Variants in RBM15B observed in about 807,000 individuals in gnomAD.
RBM15B encodes the protein RNA binding motif protein 15B, also known as putative RNA-binding protein 15B.
RBM15B carries 11 observed loss-of-function variants against 53.3 expected under a neutral mutation model. The observed-to-expected ratio is 0.21, with a 90% confidence interval of 0.13 to 0.34. The LOEUF (loss-of-function observed/expected upper bound fraction) is 0.34, where lower values mean the gene tolerates loss of function less well. Among genes scored for constraint, RBM15B ranks in the 10% least tolerant of loss-of-function variants. The pLI is 1.00. For missense variants in RBM15B, 1,136 were observed against 1,250.3 expected, an observed-to-expected ratio of 0.91 and a Z score of 1.38; for synonymous variants, 631 against 540.7, an observed-to-expected ratio of 1.17 and a Z score of -2.32.
At position 51,391,560 on chromosome 3, in the gene RBM15B, G is replaced by C; in HGVS notation, c.161G>C (p.Arg54Pro). The C allele has an allele frequency of 8.5e-7, 1 of 1,181,536 alleles. No homozygotes were observed. The highest frequency in any genetic ancestry group is 1.0e-6 in the Non-Finnish European group (1 of 956,124). The allele number at this position is 1,181,536 out of a possible 1,614,324, so 73.2% of individuals were successfully genotyped here. A position where few individuals can be genotyped will look rare whatever the true frequency, so the allele number is the denominator to read the frequency against. Residue 54 changes from arginine (R) to proline (P), a missense_variant, in exon 1 of 1, where the codon CGC (arginine) becomes CCC (proline). Arg to Pro is a moderately radical substitution (Grantham distance 103). This residue lies in a region of RBM15B where 257 missense variants were observed against 261.1 expected (regional missense o/e 0.98). Transcript: ENST00000563281. The surrounding 1 kb of genome is among the most constrained non-coding windows in gnomAD (Gnocchi z 4.5). ...GAKHPVPARA[R>P]DKPRGSGSGG... ...AAGCACCCGGTTCCAGCGCGGGCCC[G>C]CGACAAACCCCGCGGCAGCGGAAGC...
In RBM15B at chr3:51,392,443, A is replaced by G. The variant is rs782034228; in HGVS notation, c.1044A>G (p.Val348=). Residue 348 remains valine (V), a synonymous_variant, in exon 1 of 1, where the codon GTA becomes GTG. Coordinates refer to ENST00000563281, the MANE Select transcript of RBM15B (RefSeq NM_013286.5). The surrounding 1 kb of genome is among the most constrained non-coding windows in gnomAD (Gnocchi z 7.5). The stretch of plus-strand genomic sequence containing the variant: ...TCATTGGTAACCTGGACCACAGCGT[A>G]TCTGAGGTGGAGCTGCGAAGGGCCT... ...NLFIGNLDHS[V]SEVELRRAFE... The G allele has an allele frequency of 1.9e-6, 3 of 1,613,896 alleles. No individual in the cohort carries two copies. The African/African-American group carries it at 4.0e-5, about 22-fold the overall frequency.
At position 51,393,773 on chromosome 3, in the gene RBM15B, G is replaced by T. The variant is rs781982850; in HGVS notation, c.2374G>T (p.Ala792Ser). ...CAAGCAGGGGAGCCCCAACGGCTAT[G>T]CGGTCCTCTTAGCCACCCAGGCAAC... ...RIKQGSPNGY[A>S]VLLATQATPS... The change falls in exon 1 of 1, where the codon GCG (alanine) becomes TCG (serine). Residue 792 changes from alanine to serine, a missense_variant. This residue lies in a region of RBM15B where 578 missense variants were observed against 581.6 expected (regional missense o/e 0.99). Transcript: ENST00000563281. The surrounding 1 kb of genome is among the most constrained non-coding windows in gnomAD (Gnocchi z 5.6). 6.2e-7 allele frequency: 1 copy of T among 1,613,854 alleles called. No individual in the cohort carries two copies. Among genetic ancestry groups the T allele is most frequent in the South Asian group, 1.1e-5 (1 of 91,070 alleles).
Position 51,393,606 on chromosome 3 carries a change from C to T in RBM15B, c.2207C>T (p.Ser736Phe). The change falls in exon 1 of 1, where the codon TCT becomes TTT. Residue 736 changes from serine to phenylalanine, a missense_variant. Around this residue, in one of 7 missense-constraint regions of RBM15B, gnomAD observed 578 missense variants for 581.6 expected, o/e 0.99. Coordinates refer to ENST00000563281, the MANE Select transcript of RBM15B (RefSeq NM_013286.5). This position sits in a 1 kb window ranked among gnomAD's most constrained non-coding sequence, Gnocchi z 5.6. ...LVLKNSCFPT[S>F]MHILEGDQGV... is the part of the protein sequence containing the mutation. ...TTGAAAAACAGCTGCTTCCCCACGT[C>T]TATGCATATCCTAGAGGGGGACCAG... 2 of 1,614,058 alleles carry T rather than the reference C, an allele frequency of 1.2e-6. No homozygotes were observed. Among genetic ancestry groups the T allele is most frequent in the South Asian group, 1.1e-5 (1 of 91,078 alleles).
Position 51,393,483 on chromosome 3 carries a change from C to T in RBM15B, c.2084C>T (p.Pro695Leu). ...AATCACCGGACCACAGAGGCCGAGC[C>T]CAAGCCTCTGGAAGAGCCAAAACAC... ...ERNHRTTEAE[P>L]KPLEEPKHET... is the part of the protein sequence containing the mutation. Residue 695 changes from proline to leucine, a missense_variant, in exon 1 of 1, where the codon CCC becomes CTC. Coordinates refer to ENST00000563281, the MANE Select transcript of RBM15B (RefSeq NM_013286.5). The surrounding 1 kb of genome is among the most constrained non-coding windows in gnomAD (Gnocchi z 5.6). The T allele has an allele frequency of 1.9e-6, 3 of 1,614,028 alleles. No homozygotes were observed. Among genetic ancestry groups the T allele is most frequent in the African/African-American group, 1.3e-5 (1 of 75,048 alleles).
At position 51,396,530 on chromosome 3, in the gene RBM15B, C is replaced by G. The variant is rs1553623020; in HGVS notation, c.*2458C>G. The G allele has an allele frequency of 6.0e-6, 1 of 167,156 alleles. No homozygotes were observed. The highest frequency in any genetic ancestry group is 2.4e-5 in the African/African-American group (1 of 41,448). The allele number at this position is 167,156 out of a possible 1,614,324, so 10.4% of individuals were successfully genotyped here. A position where few individuals can be genotyped will look rare whatever the true frequency, so the allele number is the denominator to read the frequency against. On this transcript the variant is annotated 3_prime_UTR_variant, in exon 1 of 1. Transcript: ENST00000563281. Reference sequence around the variant, plus strand: ...TACTTACTTCAGGCATCCAGTGCCCCCACCCAGGGTTCAGGCCCTGTCTAA... The same window carrying G: ...TACTTACTTCAGGCATCCAGTGCCCGCACCCAGGGTTCAGGCCCTGTCTAA...
Position 51,396,722 on chromosome 3 carries a change from A to C in RBM15B, c.*2650A>C. ...GTTCCTAAGGTGTGTTGTCAAGCCA[A>C]CCTGAATTCTGCCTCCCTGTTATAG... On this transcript the variant is annotated 3_prime_UTR_variant, in exon 1 of 1. Coordinates refer to ENST00000563281, the MANE Select transcript of RBM15B (RefSeq NM_013286.5). 1.2e-5 allele frequency: 2 copies of C among 167,192 alleles called. No homozygotes were observed. 10.4% of individuals were successfully genotyped at this position (167,192 alleles called of 1,614,324 possible).
In RBM15B at chr3:51,395,972, G is replaced by A. The variant is rs1056756354; in HGVS notation, c.*1900G>A. ...AAGTCAGTTGGGTACAGCAGGACAC[G>A]CCACCATTCCAGGGTAGCTGGTACC... On this transcript the variant is annotated 3_prime_UTR_variant, in exon 1 of 1. Coordinates refer to ENST00000563281, the MANE Select transcript of RBM15B (RefSeq NM_013286.5). The A allele has an allele frequency of 2.4e-5, 10 of 413,316 alleles. No individual in the cohort carries two copies. The highest frequency in any genetic ancestry group is 8.8e-5 in the Admixed American group (2 of 22,724). The allele number at this position is 413,316 out of a possible 1,614,324, so 25.6% of individuals were successfully genotyped here.
Position 51,393,544 on chromosome 3 carries a change from T to C in RBM15B, c.2145T>C (p.Ala715=), listed in dbSNP as rs2089077438. The change falls in exon 1 of 1, where the codon GCT becomes GCC. Residue 715 remains alanine, a synonymous_variant. Transcript: ENST00000563281. This position sits in a 1 kb window ranked among gnomAD's most constrained non-coding sequence, Gnocchi z 5.6. ...AGCTGAAGAATCTTTCAGAGTACGCTCAGACACTACAGCTGGGTTGGAATG... is the reference window on the plus strand; with the variant it reads ...AGCTGAAGAATCTTTCAGAGTACGCCCAGACACTACAGCTGGGTTGGAATG... The part of the protein sequence containing the change: ...TKKLKNLSEY[A]QTLQLGWNGL... 1 of 1,613,992 alleles carries C rather than the reference T, an allele frequency of 6.2e-7. No homozygotes were observed. The highest frequency in any genetic ancestry group is 1.3e-5 in the African/African-American group (1 of 74,904).
At position 51,392,324 on chromosome 3, in the gene RBM15B, C is replaced by A; in HGVS notation, c.925C>A (p.Leu309Met). Residue 309 changes from leucine to methionine, a missense_variant, in exon 1 of 1, where the codon CTG becomes ATG. This residue lies in a region of RBM15B where 204 missense variants were observed against 196.8 expected (regional missense o/e 1.04). Transcript: ENST00000563281. This position sits in a 1 kb window ranked among gnomAD's most constrained non-coding sequence, Gnocchi z 7.5. ...SRERALDYYG[L>M]YDDRGRPYGY... ...GGAGCGGGCCCTGGACTACTACGGG[C>A]TGTACGACGACCGTGGGCGCCCCTA... The A allele has an allele frequency of 1.2e-6, 2 of 1,612,824 alleles. No individual in the cohort carries two copies. Among genetic ancestry groups the A allele is most frequent in the South Asian group, 2.2e-5 (2 of 91,012 alleles).
rs782535129 is a variant in RBM15B at position 51,391,888 on chromosome 3, C to T, written c.489C>T (p.Phe163=). 7 of 1,604,150 alleles carry T rather than the reference C, an allele frequency of 4.4e-6. No individual in the cohort carries two copies. The highest frequency in any genetic ancestry group is 5.9e-6 in the Non-Finnish European group (7 of 1,179,450). The change falls in exon 1 of 1, where the codon TTC becomes TTT. Residue 163 remains phenylalanine, a synonymous_variant. Coordinates refer to ENST00000563281, the MANE Select transcript of RBM15B (RefSeq NM_013286.5). This position sits in a 1 kb window ranked among gnomAD's most constrained non-coding sequence, Gnocchi z 4.5. ...TCGAGGACCGGCTCTTCCACCAGTT[C>T]AAGCGCTTCGGCGAGATCAGCCTCC... is the stretch of plus-strand genomic sequence containing the variant. ...EHLEDRLFHQ[F]KRFGEISLRL...
rs1577018648 is a variant in RBM15B, at chr3:51,391,431, C to T, written c.32C>T (p.Pro11Leu). Residue 11 changes from proline to leucine, a missense_variant, in exon 1 of 1, where the codon CCG becomes CTG. Around this residue, in one of 7 missense-constraint regions of RBM15B, gnomAD observed 257 missense variants for 261.1 expected, o/e 0.98. Coordinates refer to ENST00000563281, the MANE Select transcript of RBM15B (RefSeq NM_013286.5). This position sits in a 1 kb window ranked among gnomAD's most constrained non-coding sequence, Gnocchi z 4.5. MKRQSERDSS[P>L]SGRGSSSSAK... ...CGGCAGAGCGAGCGAGACTCTAGCC[C>T]GAGCGGGCGCGGCTCGTCATCGTCC... is the stretch of plus-strand genomic sequence containing the variant. 3 of 1,271,846 alleles carry T rather than the reference C, an allele frequency of 2.4e-6. No homozygotes were observed. The highest frequency in any genetic ancestry group is 2.3e-5 in the South Asian group (1 of 43,402). The allele number at this position is 1,271,846 out of a possible 1,614,324, so 78.8% of individuals were successfully genotyped here. A position where few individuals can be genotyped will look rare whatever the true frequency, so the allele number is the denominator to read the frequency against.
Position 51,391,987 on chromosome 3 carries a change from C to A in RBM15B, c.588C>A (p.Ala196=). The A allele has an allele frequency of 6.3e-7, 1 of 1,599,282 alleles. No individual in the cohort carries two copies. Among genetic ancestry groups the A allele is most frequent in the Non-Finnish European group, 8.5e-7 (1 of 1,178,070 alleles). Residue 196 remains alanine, a synonymous_variant, in exon 1 of 1, where the codon GCC becomes GCA. Coordinates refer to ENST00000563281, the MANE Select transcript of RBM15B (RefSeq NM_013286.5). The surrounding 1 kb of genome is among the most constrained non-coding windows in gnomAD (Gnocchi z 4.5). ...GGCACCCACAGGACGCACGCGAGGCCCGCCAGCACGCCCTGGCCCGGCAGC... is the reference window on the plus strand; with the variant it reads ...GGCACCCACAGGACGCACGCGAGGCACGCCAGCACGCCCTGGCCCGGCAGC... ...NFRHPQDARE[A]RQHALARQLL... is the part of the protein sequence containing the mutation.
Position 51,392,940 on chromosome 3 carries a change from CAGAT to C in RBM15B, c.1542_1545del (p.Gly516ThrfsTer192). On this transcript the variant is annotated frameshift_variant, in exon 1 of 1. Coordinates refer to ENST00000563281, the MANE Select transcript of RBM15B (RefSeq NM_013286.5). LOFTEE classifies it high-confidence loss of function. The surrounding 1 kb of genome is among the most constrained non-coding windows in gnomAD (Gnocchi z 7.5). ...CTCCCTGTGCATTATGAGCTGCTCACAGATGGATACACCCGGCACCGCAACCTGG... is the reference window on the plus strand; with the variant it reads ...CTCCCTGTGCATTATGAGCTGCTCACGGATACACCCGGCACCGCAACCTGG... 6.2e-7 allele frequency: 1 copy of C among 1,613,828 alleles called. No homozygotes were observed. The highest frequency in any genetic ancestry group is 8.5e-7 in the Non-Finnish European group (1 of 1,180,042).
rs1553621674 is a variant in RBM15B, at chr3:51,392,146, G to T, written c.747G>T (p.Pro249=). ...CAGGGCCGCCCGCGCCCGCCGACCC[G>T]CTCGGCTACCTCCCGCTACACGGAG... The part of the protein sequence containing the change: ...PPPGPPAPAD[P]LGYLPLHGGY... Residue 249 remains proline (P), a synonymous_variant, in exon 1 of 1, where the codon CCG becomes CCT. Coordinates refer to ENST00000563281, the MANE Select transcript of RBM15B (RefSeq NM_013286.5). The surrounding 1 kb of genome is among the most constrained non-coding windows in gnomAD (Gnocchi z 7.5). The T allele has an allele frequency of 2.6e-6, 4 of 1,535,578 alleles. No homozygotes were observed. Among genetic ancestry groups the T allele is most frequent in the Non-Finnish European group, 8.7e-7 (1 of 1,146,298 alleles).
Position 51,391,696 on chromosome 3 carries a change from C to A in RBM15B, c.297C>A (p.Ala99=). The change falls in exon 1 of 1, where the codon GCC becomes GCA. Residue 99 remains alanine (A), a synonymous_variant. Transcript: ENST00000563281. The surrounding 1 kb of genome is among the most constrained non-coding windows in gnomAD (Gnocchi z 4.5). ...GAGGGGRGGK[A]SGDPGASGMS... is the part of the protein sequence containing the mutation. ...GCGGCGGGGGACGCGGCGGCAAGGC[C>A]TCGGGGGACCCGGGCGCCTCCGGCA... The A allele has an allele frequency of 1.5e-6, 2 of 1,344,622 alleles. No individual in the cohort carries two copies. Among genetic ancestry groups the A allele is most frequent in the Non-Finnish European group, 1.9e-6 (2 of 1,054,246 alleles). 83.3% of individuals were successfully genotyped at this position (1,344,622 alleles called of 1,614,324 possible). A position where few individuals can be genotyped will look rare whatever the true frequency, so the allele number is the denominator to read the frequency against.
In RBM15B at chr3:51,393,911, A is replaced by G. The variant is rs782182024; in HGVS notation, c.2512A>G (p.Ser838Gly). 5.8e-6 allele frequency: 9 copies of G among 1,545,892 alleles called. No individual in the cohort carries two copies. Among genetic ancestry groups the G allele is most frequent in the Non-Finnish European group, 6.1e-6 (7 of 1,147,216 alleles). ...LKQKQAAGVI[S>G]LPVGGSKGRD... ...ACAGAAGCAGGCCGCAGGGGTGATCAGCTTGCCAGTGGGGGGGTCCAAGGG... is the reference window on the plus strand; with the variant it reads ...ACAGAAGCAGGCCGCAGGGGTGATCGGCTTGCCAGTGGGGGGGTCCAAGGG... The change falls in exon 1 of 1, where the codon AGC (serine) becomes GGC (glycine). Residue 838 changes from serine to glycine, a missense_variant. Around this residue, in one of 7 missense-constraint regions of RBM15B, gnomAD observed 578 missense variants for 581.6 expected, o/e 0.99. Coordinates refer to ENST00000563281, the MANE Select transcript of RBM15B (RefSeq NM_013286.5). This position sits in a 1 kb window ranked among gnomAD's most constrained non-coding sequence, Gnocchi z 5.6.
Position 51,396,159 on chromosome 3 carries a change from CTCAG to C in RBM15B, c.*2088_*2091del, listed in dbSNP as rs2089190139. ...CCTATCTTCCTTCATGAAGCAGGTG[CTCAG>C]GACCCGGAAGAATCATCTACCTCCC... On this transcript the variant is annotated 3_prime_UTR_variant, in exon 1 of 1. Transcript: ENST00000563281. The C allele has an allele frequency of 2.6e-6, 1 of 390,880 alleles. No individual in the cohort carries two copies. The highest frequency in any genetic ancestry group is 4.7e-6 in the Non-Finnish European group (1 of 212,380). The allele number at this position is 390,880 out of a possible 1,614,324, so 24.2% of individuals were successfully genotyped here. A position where few individuals can be genotyped will look rare whatever the true frequency, so the allele number is the denominator to read the frequency against.
rs926978841 is a variant in RBM15B at position 51,391,339 on chromosome 3, G to A, written c.-61G>A. The A allele has an allele frequency of 2.0e-5, 24 of 1,173,100 alleles. No homozygotes were observed. Among genetic ancestry groups the A allele is most frequent in the Non-Finnish European group, 2.4e-5 (23 of 950,446 alleles). The allele number at this position is 1,173,100 out of a possible 1,614,324, so 72.7% of individuals were successfully genotyped here. On this transcript the variant is annotated 5_prime_UTR_variant, in exon 1 of 1. Coordinates refer to ENST00000563281, the MANE Select transcript of RBM15B (RefSeq NM_013286.5). The surrounding 1 kb of genome is among the most constrained non-coding windows in gnomAD (Gnocchi z 4.5). ...CGCCGGGGGCGCTGCCTCCTCGGCCGCCGCCTCCGCCGCCGCCGCTGTGAG... is the reference window on the plus strand; with the variant it reads ...CGCCGGGGGCGCTGCCTCCTCGGCCACCGCCTCCGCCGCCGCCGCTGTGAG...
rs2089143069 is a variant in RBM15B at position 51,395,423 on chromosome 3, T to C, written c.*1351T>C. 5.4e-6 allele frequency: 1 copy of C among 185,408 alleles called. No individual in the cohort carries two copies. The highest frequency in any genetic ancestry group is 2.4e-5 in the African/African-American group (1 of 42,196). 11.5% of individuals were successfully genotyped at this position (185,408 alleles called of 1,614,324 possible). A position where few individuals can be genotyped will look rare whatever the true frequency, so the allele number is the denominator to read the frequency against. On this transcript the variant is annotated 3_prime_UTR_variant, in exon 1 of 1. Coordinates refer to ENST00000563281, the MANE Select transcript of RBM15B (RefSeq NM_013286.5). ...GGAAGAAGGGTGAGATTCCGTCTTC[T>C]TCCCTGTCTCAAGTAAGTAAGGAAG...
Sources: gnomAD v4.1 joint callset for allele counts on GRCh38, gnomAD v4.1.1 for gene constraint, gnomAD v4.1.1 regional missense constraint, Gnocchi (gnomAD v3.1) non-coding constraint, MANE v1.5 for transcripts, NCBI Gene and HGNC (gene_info 2026-07-23, HGNC 2026-07-21) for gene names.